Variants in MAN2B2 observed in about 807,000 individuals in gnomAD.
MAN2B2 encodes the protein epididymis-specific alpha-mannosidase.
MAN2B2 carries 106 observed loss-of-function variants against 117.1 expected under a neutral mutation model. The ratio of observed to expected loss-of-function variants is 0.90; its 90% CI spans 0.77 to 1.06. The LOEUF is 1.06. Ranked by LOEUF, MAN2B2 falls within the 50% of genes least tolerant of loss-of-function variation. The probability of loss-of-function intolerance (pLI) is 0.00; values close to 1 mark genes in which losing one functional copy is unlikely to be tolerated. For synonymous variants in MAN2B2, 544 were observed against 595.1 expected (o/e 0.91, Z 1.25); for missense variants, 1,326 against 1,381.4 (o/e 0.96, Z 0.64).
chr4:6,594,813 T>C, intron 7 of MAN2B2, 81 bp downstream of exon 7: 1 of 1,394,854 alleles, frequency 7.2e-7, no homozygotes, highest in South Asian at 1.3e-5. Context: ...CTTCAGTGGC[T>C]GCTCGGCACT....
chr4:6,592,559 A>T (rs183474777), intron 5 of MAN2B2, among the ~76,000 whole-genome samples: 1 of 152,318 alleles, frequency 6.6e-6, no homozygotes, highest in African/African-American at 2.4e-5. Context: ...AGCCGTGATC[A>T]TATCACTGCA....
At chr4:6,610,508 CG>C (rs958482312) in intron 13 of MAN2B2, among the ~76,000 whole-genome samples, 110 of 152,196 alleles carry the variant, frequency 7.2e-4, no homozygotes, top group African/African-American at 2.6e-3. Context: ...AGGGCTTGAG[CG>C]TGCAGGCTGT....
At position 6,611,095 on chromosome 4, in the gene MAN2B2, C is replaced by T; in HGVS notation, c.2380C>T (p.His794Tyr). 1 of 1,613,190 alleles carries T rather than the reference C, an allele frequency of 6.2e-7. No homozygotes were observed. The highest frequency in any genetic ancestry group is 8.5e-7 in the Non-Finnish European group (1 of 1,179,444). The change falls in exon 15 of 19, where the codon CAC (histidine) becomes TAC (tyrosine). Residue 794 changes from histidine (H) to tyrosine (Y), a missense_variant. His to Tyr is a moderately conservative substitution (Grantham distance 83). Transcript: ENST00000285599. ...CAATGCCTTCCCGCAGGTCATGCTCCACCGGCGGCTGTGGAACAACTTCGA... is the reference window on the plus strand; with the variant it reads ...CAATGCCTTCCCGCAGGTCATGCTCTACCGGCGGCTGTGGAACAACTTCGA... ...QGNGQVEVML[H>Y]RRLWNNFDWD...
At chr4:6,617,846 AGTTTT>A (rs1560103721) in intron 17 of MAN2B2, 5 of 108,282 alleles carry the variant, frequency 4.6e-5, no homozygotes, top group South Asian at 2.0e-4. Flanking sequence ...ACGATGGCTA[AGTTTT>A]TTTTTTTTTT....
At chr4:6,603,277 C>G (rs4580719) in intron 10 of MAN2B2, among the ~76,000 whole-genome samples, 1 of 151,584 alleles carries the variant, frequency 6.6e-6, no homozygotes, top group Non-Finnish European at 1.5e-5. Context: ...CTTGGGGAGG[C>G]GGAGGAGGGG....
Position 6,589,531 on chromosome 4 carries a change from G to A in MAN2B2, c.680+371G>A, listed in dbSNP as rs565575080. 4.6e-5 allele frequency among the ~76,000 whole-genome samples: 7 copies of A among 152,246 alleles called. No individual in the cohort carries two copies. The East Asian group carries it at 1.2e-3, about 25-fold the overall frequency. On this transcript the variant is annotated intron_variant, in intron 5 of 18. Transcript: ENST00000285599. ...GCTAGGATTATAGGCATGAGCCGCCGCGCCCAGCCCTATTCTGCAGTTTTT... is the reference window on the plus strand; with the variant it reads ...GCTAGGATTATAGGCATGAGCCGCCACGCCCAGCCCTATTCTGCAGTTTTT...
chr4:6,612,489 A>T (rs998810244), intron 15 of MAN2B2, among the ~76,000 whole-genome samples: 1 of 152,214 alleles, frequency 6.6e-6, no homozygotes, highest in African/African-American at 2.4e-5. Flanking sequence ...AAGCTCATGG[A>T]ATCTAAGGAG....
chr4:6,608,603 G>A (rs545147590), intron 11 of MAN2B2, among the ~76,000 whole-genome samples: 1 of 152,310 alleles, frequency 6.6e-6, no homozygotes, highest in Admixed American at 6.5e-5. Flanking sequence ...GTGATCTTGG[G>A]TACATGATGT....
chr4:6,605,112 C>T lies in MAN2B2; in HGVS notation c.1597C>T (p.Pro533Ser). Residue 533 changes from proline to serine, a missense_variant, in exon 11 of 19, where the codon CCA becomes TCA. Transcript: ENST00000285599. ...AYDLLILTTI[P>S]GLSYRHYNIR... ...TGACCTGCTTATTCTGACCACAATC[C>T]CAGGCCTCAGTTACCGGCACTACAA... The T allele has an allele frequency of 6.2e-7, 1 of 1,614,078 alleles. No individual in the cohort carries two copies. Among genetic ancestry groups the T allele is most frequent in the Non-Finnish European group, 8.5e-7 (1 of 1,179,934 alleles).
chr4:6,596,040 G>A (rs557162199), intron 7 of MAN2B2, among the ~76,000 whole-genome samples: 2 of 152,302 alleles, frequency 1.3e-5, no homozygotes, highest in African/African-American at 2.4e-5. Flanking sequence ...TGAGGTGGGT[G>A]GGGTAGTGAC....
At chr4:6,603,889 G>A (rs1286992948) in intron 10 of MAN2B2, among the ~76,000 whole-genome samples, 1 of 152,174 alleles carries the variant, frequency 6.6e-6, no homozygotes, top group Non-Finnish European at 1.5e-5. Flanking sequence ...AGGCTGGGTC[G>A]GGAGGCGTGT....
At chr4:6,590,974 C>A (rs761445255) in intron 5 of MAN2B2, among the ~76,000 whole-genome samples, 2 of 152,210 alleles carry the variant, frequency 1.3e-5, no homozygotes, top group South Asian at 4.1e-4. Context: ...CCTGGTAAAA[C>A]TCTGTCTGTA....
intron 13 of MAN2B2, 48 bp downstream of exon 13, chr4:6,610,098 T>C (rs1727712500): frequency 7.5e-6 from 12 of 1,604,162 alleles, no homozygotes; most frequent in Non-Finnish European, 1.0e-5. Context: ...GCGCCTTTCC[T>C]GGACCCATTA....
rs758282327 is a variant in MAN2B2 at position 6,610,944 on chromosome 4, C to T, written c.2324C>T (p.Ser775Leu). 6.8e-6 allele frequency: 11 copies of T among 1,614,056 alleles called. No homozygotes were observed. The highest frequency in any genetic ancestry group is 1.7e-5 in the Admixed American group (1 of 59,998). The change falls in exon 14 of 19, where the codon TCG (serine) becomes TTG (leucine). Residue 775 changes from serine to leucine, a missense_variant. Physicochemically the swap from Ser to Leu is moderately radical, Grantham distance 145. Coordinates refer to ENST00000285599, the MANE Select transcript of MAN2B2 (RefSeq NM_015274.3). The part of the protein sequence containing the change: ...EDGKSRLVLL[S>L]ERAHGISSQG... ...GGCAAAAGCAGGCTTGTGTTGCTGT[C>T]GGAGCGGGCACATGGCATCTCCAGC...
chr4:6,593,118 C>T, intron 5 of MAN2B2, 55 bp from the exon 6 acceptor site: 1 of 1,569,982 alleles, frequency 6.4e-7, no homozygotes, highest in South Asian at 1.1e-5. Flanking sequence ...TGGGTGTGAG[C>T]CCTGGCTGTC....
At chr4:6,595,939 G>A (rs1187657344) in intron 7 of MAN2B2, among the ~76,000 whole-genome samples, 4 of 152,210 alleles carry the variant, frequency 2.6e-5, no homozygotes, top group Non-Finnish European at 2.9e-5. Flanking sequence ...GGCAGGTGGG[G>A]CTGCACACAC....
At position 6,598,283 on chromosome 4, in the gene MAN2B2, G is replaced by A; in HGVS notation, c.1334G>A (p.Gly445Asp). Residue 445 changes from glycine (G) to aspartate (D), a missense_variant, in exon 9 of 19, where the codon GGC (glycine) becomes GAC (aspartate). Physicochemically the swap from Gly to Asp is moderately conservative, Grantham distance 94 (BLOSUM62 -1). Coordinates refer to ENST00000285599, the MANE Select transcript of MAN2B2 (RefSeq NM_015274.3). ...ACGCACCTGGCCTCGGGGATGCTGG[G>A]CATGCGCAAGCTGATGGCCTCCATC... is the stretch of plus-strand genomic sequence containing the variant. ...YATHLASGML[G>D]MRKLMASIVL... 6.2e-7 allele frequency: 1 copy of A among 1,613,664 alleles called. No individual in the cohort carries two copies. The highest frequency in any genetic ancestry group is 8.5e-7 in the Non-Finnish European group (1 of 1,180,030).
At chr4:6,588,400 C>G (rs1276618769) in intron 4 of MAN2B2, among the ~76,000 whole-genome samples, 5 of 152,180 alleles carry the variant, frequency 3.3e-5, no homozygotes, top group Admixed American at 6.5e-5. Flanking sequence ...CCCTAATGAC[C>G]TCATTTTAAC....
rs527628997 is a variant in MAN2B2, at chr4:6,594,851, G to A, written c.1057+119G>A. On this transcript the variant is annotated intron_variant, in intron 7 of 18. Transcript: ENST00000285599. Reference sequence around the variant, plus strand: ...TCTCCAAGCCCTGGAGGGGTTCCAGGCAGGTTCTGTGTGGGGCGCAGGGGC... The same window carrying A: ...TCTCCAAGCCCTGGAGGGGTTCCAGACAGGTTCTGTGTGGGGCGCAGGGGC... 6.7e-4 allele frequency: 752 copies of A among 1,121,660 alleles called. 1 individual carries two copies. Among genetic ancestry groups the A allele is most frequent in the South Asian group, 1.9e-3 (132 of 69,754 alleles). The allele number at this position is 1,121,660 out of a possible 1,614,324, so 69.5% of individuals were successfully genotyped here.
Sources: allele counts gnomAD v4.1 joint callset (sites outside exome capture counted in the v4.1 genomes callset), GRCh38; gene constraint gnomAD v4.1.1; transcripts MANE v1.5; gene names NCBI Gene and HGNC (gene_info 2026-07-23, HGNC 2026-07-21).